LTBP1: variants seen among roughly 807,000 people sequenced by gnomAD.
LTBP1 encodes latent transforming growth factor beta binding protein 1.
A neutral mutation model predicts 207.6 loss-of-function variants in LTBP1; 129 were observed. That is an observed-to-expected ratio of 0.62 (90% CI 0.54 to 0.72). LTBP1 has a LOEUF of 0.72. Ranked by LOEUF, LTBP1 falls within the 30% of genes least tolerant of loss-of-function variation. The pLI is 0.00. For missense variants in LTBP1, 2,281 were observed against 2,217.2 expected, an observed-to-expected ratio of 1.03 and a Z score of -0.58; for synonymous variants, 963 against 833.7, an observed-to-expected ratio of 1.16 and a Z score of -2.67.
chr2:33,285,654 G>T, intron 19 of LTBP1: 1 of 151,768 alleles, frequency 6.6e-6, no homozygotes, highest in African/African-American at 2.4e-5. Flanking sequence ...TCACCATGTT[G>T]GTCAGGCTGT....
At chr2:33,272,244 C>T (rs2093336608) in intron 15 of LTBP1, among the ~76,000 whole-genome samples, 1 of 152,196 alleles carries the variant, frequency 6.6e-6, no homozygotes, top group Admixed American at 6.5e-5. Context: ...GCACTGTTTT[C>T]CACATCCTTT....
At chr2:33,361,297 T>G in intron 27 of LTBP1, 132 bp from the exon 28 acceptor site, 23 of 541,368 alleles carry the variant, frequency 4.2e-5, no homozygotes, top group East Asian at 5.9e-5. Context: ...CATCATTTTT[T>G]GAGATTGTAC....
intron 2 of LTBP1, among the ~76,000 whole-genome samples, chr2:32,971,148 C>A (rs1254886578): frequency 1.3e-5 from 2 of 151,862 alleles, no homozygotes; most frequent in South Asian, 4.2e-4. Flanking sequence ...ATACTGTATC[C>A]TGAAACTTCG....
chr2:33,136,707 A>G (rs558247283), intron 5 of LTBP1, among the ~76,000 whole-genome samples: 1 of 152,276 alleles, frequency 6.6e-6, no homozygotes, highest in Non-Finnish European at 1.5e-5. Context: ...CTTCCAGTGT[A>G]TTCATTTTGA....
intron 16 of LTBP1, 57 bp from the exon 17 acceptor site, chr2:33,274,908 G>A (rs917278702): frequency 1.3e-6 from 2 of 1,562,340 alleles, no homozygotes; most frequent in African/African-American, 1.4e-5. Flanking sequence ...TACAGAACAG[G>A]GAAACTAAGT....
intron 3 of LTBP1, among the ~76,000 whole-genome samples, chr2:33,042,071 T>C (rs550563348): frequency 6.6e-6 from 1 of 152,240 alleles, no homozygotes; most frequent in African/African-American, 2.4e-5. Flanking sequence ...CATTGGGCTT[T>C]TAATGTGAAT....
chr2:33,062,257 C>A (rs999800661), intron 3 of LTBP1, among the ~76,000 whole-genome samples: 1 of 151,678 alleles, frequency 6.6e-6, no homozygotes, highest in Non-Finnish European at 1.5e-5. Flanking sequence ...TTTTTTTCCT[C>A]TTACTGTGTT....
At chr2:33,088,145 G>T (rs150871596) in intron 3 of LTBP1, among the ~76,000 whole-genome samples, 1,546 of 152,342 alleles carry the variant, frequency 0.01, 9 homozygotes, top group Non-Finnish European at 0.016. Context: ...TAATGCCAAA[G>T]AAGTCTCTTG....
At position 33,109,634 on chromosome 2, in the gene LTBP1, G is replaced by A. The variant is rs141211506; in HGVS notation, c.864-948G>A. 4.6e-3 allele frequency among the ~76,000 whole-genome samples: 701 copies of A among 152,188 alleles called. 6 individuals are homozygous for A. The highest frequency in any genetic ancestry group is 0.016 in the African/African-American group (646 of 41,516). ...CAGAAGTTCCCAGAAGTCTTGACTC[G>A]TGCTATTAAAAAGATAATGAGAGTA... On this transcript the variant is annotated intron_variant, in intron 3 of 33. Coordinates refer to ENST00000404816, the MANE Select transcript of LTBP1 (RefSeq NM_206943.4).
chr2:33,069,777 C>A (rs909151199), intron 3 of LTBP1, among the ~76,000 whole-genome samples: 3 of 152,188 alleles, frequency 2.0e-5, no homozygotes, highest in African/African-American at 7.2e-5. Context: ...ACTGTCTTCA[C>A]CATTTTGTGC....
intron 5 of LTBP1, among the ~76,000 whole-genome samples, chr2:33,136,431 T>G (rs1330912839): frequency 1.3e-5 from 2 of 152,232 alleles, no homozygotes; most frequent in African/African-American, 4.8e-5. Context: ...CTCTAAAATT[T>G]AGTCCATCTC....
chr2:33,277,815 T>TCTC (rs1558933866), intron 18 of LTBP1, among the ~76,000 whole-genome samples: 1 of 86,024 alleles, frequency 1.2e-5, no homozygotes, highest in Admixed American at 1.3e-4. Flanking sequence ...CTTTCTTTTT[T>TCTC]TCTTTCTTTC....
In LTBP1 at chr2:32,964,397, C is replaced by T. The variant is rs983911249; in HGVS notation, c.565+15452C>T. Among the ~76,000 whole-genome samples the T allele has an allele frequency of 2.6e-5, 4 of 152,130 alleles. No individual in the cohort carries two copies. The East Asian group carries it at 5.8e-4, about 22-fold the overall frequency. On this transcript the variant is annotated intron_variant, in intron 2 of 33. Coordinates refer to ENST00000404816, the MANE Select transcript of LTBP1 (RefSeq NM_206943.4). The stretch of plus-strand genomic sequence containing the variant: ...TCCACAAAATAAATAAATGCAAAGA[C>T]ATGTCACTTGAATGTTGTATAAAAA...
chr2:33,259,071 GA>G (rs2092941388), intron 12 of LTBP1, among the ~76,000 whole-genome samples: 1 of 152,070 alleles, frequency 6.6e-6, no homozygotes. Flanking sequence ...ATATCTTTTT[GA>G]AAATATTCAC....
chr2:32,984,444 C>G (rs1370842598), intron 2 of LTBP1, among the ~76,000 whole-genome samples: 1 of 152,178 alleles, frequency 6.6e-6, no homozygotes, highest in African/African-American at 2.4e-5. Context: ...GGAGAGCAAT[C>G]TCTCTGGCAT....
At chr2:33,035,556 A>G (rs2075880931) in intron 3 of LTBP1, among the ~76,000 whole-genome samples, 1 of 152,228 alleles carries the variant, frequency 6.6e-6, no homozygotes, top group Admixed American at 6.5e-5. Flanking sequence ...TTCTAGATAA[A>G]AAATTCTTTT....
In LTBP1 at chr2:32,947,369, G is replaced by C. The variant is rs978317116; in HGVS notation, c.45G>C (p.Gly15=). The change falls in exon 1 of 34, where the codon GGG becomes GGC. Residue 15 remains glycine, a synonymous_variant. Coordinates refer to ENST00000404816, the MANE Select transcript of LTBP1 (RefSeq NM_206943.4). ...WLRWGLLLWA[G]LLASSAHGRL... is the part of the protein sequence containing the mutation. ...GGTGGGGGCTCCTGCTCTGGGCAGG[G>C]CTCCTCGCGTCCTCGGCGCACGGCC... 2.9e-6 allele frequency: 4 copies of C among 1,356,494 alleles called. No homozygotes were observed. Among genetic ancestry groups the C allele is most frequent in the Non-Finnish European group, 3.8e-6 (4 of 1,056,092 alleles). 84.0% of individuals were successfully genotyped at this position (1,356,494 alleles called of 1,614,324 possible).
chr2:33,270,091 T>C (rs929997465), intron 15 of LTBP1, among the ~76,000 whole-genome samples: 12 of 151,684 alleles, frequency 7.9e-5, no homozygotes, highest in African/African-American at 2.7e-4. Context: ...TAATTTTTTC[T>C]ATTTTTAGTA....
At chr2:33,230,424 A>T (rs192522205) in intron 9 of LTBP1, among the ~76,000 whole-genome samples, 114 of 152,280 alleles carry the variant, frequency 7.5e-4, no homozygotes, top group African/African-American at 2.6e-3. Context: ...GATTTATTAC[A>T]TATACACACA....
Sources: allele counts gnomAD v4.1 joint callset (sites outside exome capture counted in the v4.1 genomes callset), GRCh38; gene constraint gnomAD v4.1.1; transcripts MANE v1.5; gene names NCBI Gene and HGNC (gene_info 2026-07-23, HGNC 2026-07-21).